The following HDAC9 variants were observed in gnomAD, a reference collection of about 807,000 sequenced individuals.
HDAC9 encodes MEF-2 interacting transcription repressor (MITR) protein.
HDAC9 carries 41 observed loss-of-function variants against 139.4 expected under a neutral mutation model. That is an observed-to-expected ratio of 0.29 (90% CI 0.23 to 0.38). The LOEUF (loss-of-function observed/expected upper bound fraction) is 0.38, where lower values mean the gene tolerates loss of function less well. Ranked by LOEUF, HDAC9 falls within the 10% of genes least tolerant of loss-of-function variation. The pLI, the probability that HDAC9 is intolerant of heterozygous loss-of-function variation, is 1.00. For missense variants in HDAC9, 1,147 were observed against 1,297.0 expected (o/e 0.88, Z 1.78); for synonymous variants, 517 against 476.2 (o/e 1.09, Z -1.12).
intron 1 of HDAC9, among the ~76,000 whole-genome samples, chr7:18,357,880 T>C (rs1338660651): frequency 6.6e-6 from 1 of 152,132 alleles, no homozygotes; most frequent in African/African-American, 2.4e-5. Flanking sequence ...AAGATCTTTG[T>C]GAGGAGCTTG....
At chr7:18,634,916 G>A (rs1269738756) in intron 8 of HDAC9, among the ~76,000 whole-genome samples, 174 bp downstream of exon 8, 1 of 151,912 alleles carries the variant, frequency 6.6e-6, no homozygotes, top group Non-Finnish European at 1.5e-5. Flanking sequence ...ACTAACTAAT[G>A]TAAATATTAT....
intron 1 of HDAC9, among the ~76,000 whole-genome samples, chr7:18,435,059 C>CAAAAAAAAAAAAAAAAAAAAAAA (rs376786180): frequency 7.4e-5 from 5 of 67,810 alleles, no homozygotes; most frequent in African/African-American, 1.2e-4. Flanking sequence ...ACTACACAGC[C>CAAAAAAAAAAAAAAAAAAAAAAA]AAAAAAAAAA....
At chr7:18,848,869 T>C (rs1797084154) in intron 21 of HDAC9, among the ~76,000 whole-genome samples, 1 of 152,166 alleles carries the variant, frequency 6.6e-6, no homozygotes, top group Non-Finnish European at 1.5e-5. Flanking sequence ...AAATCTCTAA[T>C]TGAAGACATA....
At chr7:18,929,930 C>T (rs968518254) in intron 22 of HDAC9, among the ~76,000 whole-genome samples, 9 of 145,228 alleles carry the variant, frequency 6.2e-5, no homozygotes, top group African/African-American at 2.0e-4. Flanking sequence ...CACAGCAAGA[C>T]GCCGCCTCAA....
At chr7:18,952,116 C>CA (rs1481361862) in intron 23 of HDAC9, among the ~76,000 whole-genome samples, 2 of 151,944 alleles carry the variant, frequency 1.3e-5, no homozygotes, top group East Asian at 3.9e-4. Flanking sequence ...TGACATTCAA[C>CA]TAAAACATGC....
chr7:18,421,139 T>C (rs774434330), intron 1 of HDAC9, among the ~76,000 whole-genome samples: 2 of 152,206 alleles, frequency 1.3e-5, no homozygotes, highest in Non-Finnish European at 2.9e-5. Flanking sequence ...ACTATATTGT[T>C]AGGTGACCAT....
In HDAC9 at chr7:18,399,605, A is replaced by G. The variant is rs1009364759; in HGVS notation, c.-41-96657A>G. ...CAACCAGGAAAGTGATTGTCATTCA[A>G]ATAAATATGCAAGGCTTCTTTTCCC... On this transcript the variant is annotated intron_variant, in intron 1 of 3. Coordinates refer to the HDAC9 transcript ENST00000413509. 3.9e-5 allele frequency among the ~76,000 whole-genome samples: 6 copies of G among 152,206 alleles called. No individual in the cohort carries two copies. In the South Asian group the frequency reaches 8.3e-4, roughly 21 times the overall value.
chr7:18,292,907 A>G (rs1293747815), intron 1 of HDAC9, among the ~76,000 whole-genome samples: 1 of 152,174 alleles, frequency 6.6e-6, no homozygotes, highest in Non-Finnish European at 1.5e-5. Context: ...AACTGCAAAA[A>G]TAGAACTGAA....
intron 2 of HDAC9, among the ~76,000 whole-genome samples, chr7:18,275,088 C>G (rs1026544377): frequency 4.6e-5 from 7 of 152,034 alleles, no homozygotes; most frequent in Non-Finnish European, 8.8e-5. Context: ...GACTGAATTG[C>G]TAGCATTTCA....
intron 2 of HDAC9, among the ~76,000 whole-genome samples, chr7:18,207,521 C>G (rs1396438678): frequency 8.7e-6 from 1 of 114,816 alleles, no homozygotes; most frequent in East Asian, 2.5e-4. Context: ...GTCCTCTCAC[C>G]TCATCTGCCC....
intron 11 of HDAC9, among the ~76,000 whole-genome samples, chr7:18,661,614 AG>A (rs1448689871): frequency 6.6e-6 from 1 of 152,100 alleles, no homozygotes; most frequent in Non-Finnish European, 1.5e-5. Flanking sequence ...TTAAAAAATA[AG>A]GTTTTTAAGA....
chr7:18,143,202 A>T (rs982582362), intron 1 of HDAC9, among the ~76,000 whole-genome samples: 1 of 152,184 alleles, frequency 6.6e-6, no homozygotes, highest in Admixed American at 6.5e-5. Context: ...ATAATGGCAT[A>T]TTTGTATTTT....
chr7:18,209,399 G>A (rs924259847), intron 2 of HDAC9, among the ~76,000 whole-genome samples: 2 of 152,130 alleles, frequency 1.3e-5, no homozygotes, highest in African/African-American at 4.8e-5. Context: ...CCATCTTGAC[G>A]CTTGAAGCCA....
intron 12 of HDAC9, among the ~76,000 whole-genome samples, chr7:18,709,806 G>A (rs1481474593): frequency 1.3e-5 from 2 of 152,102 alleles, no homozygotes; most frequent in Non-Finnish European, 2.9e-5. Context: ...CAAAGTGTTG[G>A]CATCACAGAC....
chr7:18,114,001 C>T (rs959995881), intron 1 of HDAC9, among the ~76,000 whole-genome samples: 1 of 152,138 alleles, frequency 6.6e-6, no homozygotes, highest in African/African-American at 2.4e-5. Flanking sequence ...TTACATTCCC[C>T]CTCACCTTGC....
intron 1 of HDAC9, among the ~76,000 whole-genome samples, chr7:18,462,975 A>G (rs1793976195): frequency 6.6e-6 from 1 of 151,968 alleles, no homozygotes; most frequent in Non-Finnish European, 1.5e-5. Flanking sequence ...GTATAGTCCT[A>G]CTGGTACTGT....
In HDAC9 at chr7:18,194,498, C is replaced by T. The variant is rs546283938; in HGVS notation, c.25+32149C>T. ...CGTTGTCCCATCTCCAGAAATTTCC[C>T]GTTATCCCAAACTGAAAAAAACCAT... On this transcript the variant is annotated intron_variant, in intron 2 of 12. Coordinates refer to the HDAC9 transcript ENST00000417496. Among the ~76,000 whole-genome samples, 84 of 152,224 alleles carry T rather than the reference C, an allele frequency of 5.5e-4. 1 individual carries two copies. The highest frequency in any genetic ancestry group is 1.9e-3 in the African/African-American group (78 of 41,524).
intron 1 of HDAC9, among the ~76,000 whole-genome samples, chr7:18,451,924 C>T (rs1452779142): frequency 6.6e-6 from 1 of 152,108 alleles, no homozygotes. Flanking sequence ...ATGGCAATGT[C>T]ACCTAAATCT....
chr7:18,192,120 G>A (rs1178329), intron 2 of HDAC9, among the ~76,000 whole-genome samples: 75,432 of 151,974 alleles, frequency 0.5, 19,266 homozygotes, highest in South Asian at 0.68. Context: ...ACCCGGCCGG[G>A]GGGCGGGGGG....
Sources: gnomAD v4.1 joint callset for allele counts (sites outside exome capture counted in the v4.1 genomes callset) on GRCh38, gnomAD v4.1.1 for gene constraint, MANE v1.5 for transcripts, NCBI Gene and HGNC (gene_info 2026-07-23, HGNC 2026-07-21) for gene names.